NELL1: variants seen among roughly 807,000 people sequenced by gnomAD.
The protein encoded by NELL1 is protein kinase C-binding protein NELL1.
NELL1 carries 76 observed loss-of-function variants against 107.4 expected under a neutral mutation model. The observed-to-expected ratio is 0.71, with a 90% CI of 0.59 to 0.86. The LOEUF is 0.86. Ranked by LOEUF, NELL1 falls within the 40% of genes least tolerant of loss-of-function variation. The pLI, the probability that NELL1 is intolerant of heterozygous loss-of-function variation, is 0.00. For missense variants in NELL1, 1,024 were observed against 1,005.5 expected (o/e 1.02, Z -0.25); for synonymous variants, 353 against 341.2 (o/e 1.03, Z -0.38).
In NELL1 at chr11:20,928,420, A is replaced by G. The variant is rs140896088; in HGVS notation, c.938A>G (p.Asn313Ser). 1.5e-4 allele frequency: 237 copies of G among 1,613,882 alleles called. No homozygotes were observed. The highest frequency in any genetic ancestry group is 4.0e-4 in the African/African-American group (30 of 74,956). Residue 313 changes from asparagine to serine, a missense_variant, in exon 9 of 20, where the codon AAT (asparagine) becomes AGT (serine). Asn to Ser is a conservative substitution (Grantham distance 46). Transcript: ENST00000357134. ...CGAAGGATGTCCTGTCCCCCTCTCA[A>G]TTGCTCCCCAGACTCCCTCCCAGTG... ...ECRRMSCPPL[N>S]CSPDSLPVHI...
At chr11:20,727,971 T>G (rs1855546217) in intron 2 of NELL1, among the ~76,000 whole-genome samples, 1 of 152,204 alleles carries the variant, frequency 6.6e-6, no homozygotes, top group East Asian at 1.9e-4. Context: ...GCATTTGTTG[T>G]TTTTTGGCTG....
chr11:21,322,614 T>G (rs1436985369), intron 14 of NELL1, among the ~76,000 whole-genome samples: 2 of 152,154 alleles, frequency 1.3e-5, no homozygotes, highest in African/African-American at 2.4e-5. Flanking sequence ...TAGTCTGGTC[T>G]AGTCTACTAT....
chr11:20,811,933 A>T (rs777454932), intron 3 of NELL1, among the ~76,000 whole-genome samples: 6 of 151,892 alleles, frequency 4.0e-5, no homozygotes, highest in Non-Finnish European at 7.4e-5. Flanking sequence ...TTATTTCTTT[A>T]TTTTGCCTTA....
intron 7 of NELL1, among the ~76,000 whole-genome samples, chr11:20,920,133 T>C (rs1286059578): frequency 6.6e-6 from 1 of 152,118 alleles, no homozygotes; most frequent in Admixed American, 6.6e-5. Flanking sequence ...ATATGGCTAA[T>C]GCTGTTGTTA....
intron 15 of NELL1, among the ~76,000 whole-genome samples, chr11:21,440,966 G>T (rs1269285070): frequency 6.6e-6 from 1 of 152,088 alleles, no homozygotes; most frequent in African/African-American, 2.4e-5. Context: ...GTATGTTATT[G>T]AATATCTGTA....
intron 13 of NELL1, among the ~76,000 whole-genome samples, chr11:21,215,459 G>A (rs768944743): frequency 6.6e-6 from 1 of 152,218 alleles, no homozygotes; most frequent in African/African-American, 2.4e-5. Context: ...AAATGTGGAA[G>A]TGACTTTGGA....
chr11:21,349,988 C>T (rs1850768222), intron 14 of NELL1, among the ~76,000 whole-genome samples: 1 of 152,090 alleles, frequency 6.6e-6, no homozygotes, highest in South Asian at 2.1e-4. Context: ...CTTTTACTTG[C>T]TGTCCAACAT....
chr11:21,518,381 C>T (rs966763074), intron 15 of NELL1, among the ~76,000 whole-genome samples: 1 of 152,100 alleles, frequency 6.6e-6, no homozygotes, highest in African/African-American at 2.4e-5. Context: ...GCTGAAGCCT[C>T]CTTGTTTCAT....
At chr11:21,572,589 A>T (rs796382167) in intron 18 of NELL1, among the ~76,000 whole-genome samples, 7 of 146,364 alleles carry the variant, frequency 4.8e-5, no homozygotes, top group African/African-American at 1.9e-4. Flanking sequence ...CAGATGCCAG[A>T]TGCTGAGACA....
At chr11:21,150,557 C>T (rs1856091641) in intron 13 of NELL1, among the ~76,000 whole-genome samples, 2 of 152,114 alleles carry the variant, frequency 1.3e-5, no homozygotes, top group African/African-American at 2.4e-5. Flanking sequence ...TTTTGCCGCA[C>T]TGGTTGGTTA....
At chr11:20,919,404 G>A (rs1850329397) in intron 7 of NELL1, 70 bp downstream of exon 7, 1 of 940,068 alleles carries the variant, frequency 1.1e-6, no homozygotes, top group Non-Finnish European at 1.7e-6. Context: ...GGAGTGATAT[G>A]TTATAATGGA....
At chr11:21,439,733 G>A (rs1853230436) in intron 15 of NELL1, among the ~76,000 whole-genome samples, 1 of 152,130 alleles carries the variant, frequency 6.6e-6, no homozygotes. Context: ...TAGATGTTGA[G>A]TGTGATCCGC....
intron 14 of NELL1, among the ~76,000 whole-genome samples, chr11:21,292,795 A>G (rs1849299989): frequency 6.6e-6 from 1 of 152,138 alleles, no homozygotes; most frequent in African/African-American, 2.4e-5. Context: ...ATCTACAACC[A>G]TCTGATTTTT....
At chr11:20,949,195 A>G (rs1187866290) in intron 11 of NELL1, among the ~76,000 whole-genome samples, 1 of 152,168 alleles carries the variant, frequency 6.6e-6, no homozygotes, top group Non-Finnish European at 1.5e-5. Flanking sequence ...CTTCTGGTGT[A>G]TGAAAATGTT....
intron 4 of NELL1, among the ~76,000 whole-genome samples, chr11:20,871,884 T>C (rs904781969): frequency 1.1e-4 from 16 of 151,468 alleles, no homozygotes; most frequent in African/African-American, 3.6e-4. Context: ...CCGGGCGTGG[T>C]GGCAGGTGCC....
At chr11:21,189,231 A>C (rs1344661591) in intron 13 of NELL1, among the ~76,000 whole-genome samples, 9 of 151,882 alleles carry the variant, frequency 5.9e-5, no homozygotes, top group African/African-American at 2.2e-4. Context: ...AGTTTTTACA[A>C]TTACAAAGAA....
At chr11:20,693,859 T>C (rs1854540695) in intron 2 of NELL1, among the ~76,000 whole-genome samples, 1 of 152,230 alleles carries the variant, frequency 6.6e-6, no homozygotes, top group South Asian at 2.1e-4. Context: ...GAAGTTCTCT[T>C]GGATAGTATC....
At chr11:20,995,769 G>A (rs1237985206) in intron 12 of NELL1, among the ~76,000 whole-genome samples, 1 of 151,950 alleles carries the variant, frequency 6.6e-6, no homozygotes, top group Non-Finnish European at 1.5e-5. Flanking sequence ...GGGCAGTGTG[G>A]GATATCAAAA....
intron 2 of NELL1, among the ~76,000 whole-genome samples, chr11:20,695,866 T>C (rs1195618667): frequency 2.0e-5 from 3 of 152,132 alleles, no homozygotes; most frequent in Non-Finnish European, 4.4e-5. Context: ...CTTTTCTTTG[T>C]ACATCTGGTA....
Sources: gnomAD v4.1 joint callset for allele counts (sites outside exome capture counted in the v4.1 genomes callset) on GRCh38, gnomAD v4.1.1 for gene constraint, MANE v1.5 for transcripts, NCBI Gene and HGNC (gene_info 2026-07-23, HGNC 2026-07-21) for gene names.